UGGT1: variants seen among roughly 807,000 people sequenced by gnomAD.
The protein encoded by UGGT1 is UDP-glucose:glycoprotein glucosyltransferase 1.
UGGT1 carries 107 observed loss-of-function variants against 203.9 expected under a neutral mutation model. The observed-to-expected ratio is 0.52, with a 90% CI of 0.45 to 0.62. UGGT1 has a LOEUF of 0.62. Ranked by LOEUF, UGGT1 falls within the 20% of genes least tolerant of loss-of-function variation. UGGT1 has a pLI of 0.00. For synonymous variants in UGGT1, 628 were observed against 653.5 expected, an observed-to-expected ratio of 0.96 and a Z score of 0.59; for missense variants, 1,673 against 1,867.2, an observed-to-expected ratio of 0.90 and a Z score of 1.92.
At chr2:128,102,318 AT>A (rs1225482302) in intron 2 of UGGT1, among the ~76,000 whole-genome samples, 3 of 151,978 alleles carry the variant, frequency 2.0e-5, no homozygotes, top group African/African-American at 7.3e-5. Context: ...AATTTTTTGT[AT>A]TTTTAGTAGA....
chr2:128,178,741 C>T (rs1346048556), intron 34 of UGGT1, among the ~76,000 whole-genome samples, 172 bp downstream of exon 34: 2 of 152,222 alleles, frequency 1.3e-5, no homozygotes, highest in Non-Finnish European at 2.9e-5. Context: ...ATCCCGCCGT[C>T]TCTGTGAAGT....
At chr2:128,164,972 G>A (rs1190799392) in intron 26 of UGGT1, 147 bp downstream of exon 26, 3 of 559,328 alleles carry the variant, frequency 5.4e-6, no homozygotes, top group Non-Finnish European at 9.2e-6. Context: ...GTTTTCACAT[G>A]TATATATTTG....
intron 28 of UGGT1, among the ~76,000 whole-genome samples, chr2:128,172,259 C>T (rs974006913): frequency 6.6e-6 from 1 of 152,200 alleles, no homozygotes; most frequent in African/African-American, 2.4e-5. Flanking sequence ...TTTTGGCTTG[C>T]AGGTGGACAG....
Position 128,161,131 on chromosome 2 carries a change from T to C in UGGT1, c.2695-7T>C. On this transcript the variant is annotated splice_polypyrimidine_tract_variant and splice_region_variant and intron_variant, in intron 24 of 40. Coordinates refer to ENST00000259253, the MANE Select transcript of UGGT1 (RefSeq NM_020120.4). ...GAGCTAAGCGCCTGCTCTTCTCTCC[T>C]TCACAGATCATTGGGCCACTGGAGG... 7 of 1,613,688 alleles carry C rather than the reference T, an allele frequency of 4.3e-6. No individual in the cohort carries two copies. The highest frequency in any genetic ancestry group is 5.9e-6 in the Non-Finnish European group (7 of 1,179,810).
intron 2 of UGGT1, among the ~76,000 whole-genome samples, chr2:128,099,066 G>A (rs1206850650): frequency 6.6e-6 from 1 of 152,158 alleles, no homozygotes; most frequent in African/African-American, 2.4e-5. Context: ...GTGTTTGAAC[G>A]TGCTAGAAAT....
At chr2:128,128,865 T>C (rs1257917916) in intron 12 of UGGT1, among the ~76,000 whole-genome samples, 164 bp from the exon 13 acceptor site, 1 of 152,234 alleles carries the variant, frequency 6.6e-6, no homozygotes, top group East Asian at 1.9e-4. Flanking sequence ...AAAGTATAGA[T>C]TTAGGGTTAT....
Position 128,091,201 on chromosome 2 carries a change from G to A in UGGT1, c.-157G>A. 1 of 806,534 alleles carries A rather than the reference G, an allele frequency of 1.2e-6. No individual in the cohort carries two copies. 50.0% of individuals were successfully genotyped at this position (806,534 alleles called of 1,614,324 possible). ...AGCGGAAGTAAAAGGGCGGCCGGCA[G>A]CTGGGCAATTGCTTTGCGAGGCTGG... On this transcript the variant is annotated 5_prime_UTR_variant, in exon 1 of 41. Transcript: ENST00000259253.
intron 4 of UGGT1, 108 bp downstream of exon 4, chr2:128,108,176 C>A: frequency 1.5e-6 from 2 of 1,334,022 alleles, no homozygotes; most frequent in South Asian, 3.4e-5. Context: ...CACTTTTTTG[C>A]CTGAAATTTT....
At chr2:128,105,124 C>G (rs1044019635) in intron 3 of UGGT1, among the ~76,000 whole-genome samples, 2 of 148,598 alleles carry the variant, frequency 1.3e-5, no homozygotes, top group Non-Finnish European at 3.0e-5. Context: ...CTCAAGTGAT[C>G]CTCCCACCTC....
At chr2:128,181,466 C>T (rs912363852) in intron 36 of UGGT1, among the ~76,000 whole-genome samples, 1 of 152,178 alleles carries the variant, frequency 6.6e-6, no homozygotes, top group Non-Finnish European at 1.5e-5. Context: ...CAGTAGGGAA[C>T]CTCCGGATAT....
rs1006510338 is a variant in UGGT1, at chr2:128,193,707, T to C, written c.*3965T>C. ...GTAGGGAGGAAAGAACTCCCAGAGT[T>C]TCCTTTAGCCAGGAAACCTGCTCTA... On this transcript the variant is annotated 3_prime_UTR_variant, in exon 41 of 41. Transcript: ENST00000259253. The C allele has an allele frequency of 6.6e-6, 1 of 152,034 alleles. No individual in the cohort carries two copies. Among genetic ancestry groups the C allele is most frequent in the African/African-American group, 2.4e-5 (1 of 41,390 alleles). 9.4% of individuals were successfully genotyped at this position (152,034 alleles called of 1,614,324 possible).
At chr2:128,128,930 T>A in intron 12 of UGGT1, 99 bp from the exon 13 acceptor site, 1 of 1,167,004 alleles carries the variant, frequency 8.6e-7, no homozygotes, top group Non-Finnish European at 1.2e-6. Flanking sequence ...TTAATTTGAT[T>A]TGGCATTGAG....
At chr2:128,154,682 G>T (rs1467401767) in intron 19 of UGGT1, among the ~76,000 whole-genome samples, 1 of 152,204 alleles carries the variant, frequency 6.6e-6, no homozygotes, top group Non-Finnish European at 1.5e-5. Context: ...TGGATAGTAG[G>T]TGTTCAGTGT....
intron 18 of UGGT1, among the ~76,000 whole-genome samples, chr2:128,149,416 G>A (rs1323059795): frequency 6.7e-6 from 1 of 148,974 alleles, no homozygotes; most frequent in East Asian, 2.1e-4. Context: ...AGGCCGAGGC[G>A]GGCGGATAAT....
At chr2:128,094,125 C>T (rs1686997204) in intron 1 of UGGT1, among the ~76,000 whole-genome samples, 1 of 152,144 alleles carries the variant, frequency 6.6e-6, no homozygotes, top group African/African-American at 2.4e-5. Flanking sequence ...CAGGAATCAC[C>T]ACTTTCTGGG....
chr2:128,094,769 G>A (rs1687034256), intron 1 of UGGT1, among the ~76,000 whole-genome samples: 2 of 92,058 alleles, frequency 2.2e-5, no homozygotes, highest in African/African-American at 8.5e-5. Context: ...TTTTTTTTGA[G>A]ACGGAGTCTC....
chr2:128,103,483 C>G (rs1446068772), intron 2 of UGGT1, among the ~76,000 whole-genome samples: 2 of 152,078 alleles, frequency 1.3e-5, no homozygotes, highest in African/African-American at 4.8e-5. Flanking sequence ...AGAAATTTTT[C>G]TACGGTTCAT....
At chr2:128,181,604 T>G (rs1168462937) in intron 36 of UGGT1, among the ~76,000 whole-genome samples, 3 of 152,190 alleles carry the variant, frequency 2.0e-5, no homozygotes, top group African/African-American at 7.2e-5. Flanking sequence ...GAAACCCAAG[T>G]CAGCCACCTG....
intron 17 of UGGT1, 161 bp from the exon 18 acceptor site, chr2:128,145,642 G>A (rs1212548641): frequency 1.4e-6 from 1 of 724,786 alleles, no homozygotes; most frequent in Admixed American, 3.7e-5. Context: ...TAACTTTGAT[G>A]TCATTTTTCA....
Sources: allele counts gnomAD v4.1 joint callset (sites outside exome capture counted in the v4.1 genomes callset), GRCh38; gene constraint gnomAD v4.1.1; transcripts MANE v1.5; gene names NCBI Gene and HGNC (gene_info 2026-07-23, HGNC 2026-07-21).